Variants in OR9Q1 observed in about 807,000 individuals in gnomAD.
OR9Q1 encodes olfactory receptor family 9 subfamily Q member 1, also known as olfactory receptor 9Q1.
For missense variants in OR9Q1, 374 were observed against 378.8 expected (o/e 0.99, Z 0.11); for synonymous variants, 153 against 148.6 (o/e 1.03, Z -0.22).
chr11:58,058,448 A>G (rs971585770), intron 2 of OR9Q1, among the ~76,000 whole-genome samples: 16 of 152,164 alleles, frequency 1.1e-4, no homozygotes. Context: ...GCGCAGCGCC[A>G]ACAGGAAGTC....
chr11:58,146,751 G>A (rs1241206568), intron 2 of OR9Q1, among the ~76,000 whole-genome samples: 1 of 152,198 alleles, frequency 6.6e-6, no homozygotes, highest in Admixed American at 6.5e-5. Flanking sequence ...GTATGCCATA[G>A]TCATGGGTTG....
At chr11:58,128,117 A>C (rs1371617869) in intron 2 of OR9Q1, among the ~76,000 whole-genome samples, 1 of 152,042 alleles carries the variant, frequency 6.6e-6, no homozygotes, top group East Asian at 1.9e-4. Flanking sequence ...GAGCATCACT[A>C]GATATTATGA....
chr11:58,179,335 T>G (rs1349384940), intron 2 of OR9Q1, 96 bp from the exon 3 acceptor site: 3 of 778,626 alleles, frequency 3.9e-6, no homozygotes, highest in Non-Finnish European at 4.2e-6. Context: ...ACCTGGCATA[T>G]TTTGTCCACA....
At chr11:58,058,747 C>G (rs906852037) in intron 2 of OR9Q1, among the ~76,000 whole-genome samples, 1 of 152,184 alleles carries the variant, frequency 6.6e-6, no homozygotes, top group Non-Finnish European at 1.5e-5. Flanking sequence ...TGCAGCCACC[C>G]TCGCCCCCGA....
At chr11:58,086,810 G>C (rs1853638399) in intron 2 of OR9Q1, among the ~76,000 whole-genome samples, 1 of 151,868 alleles carries the variant, frequency 6.6e-6, no homozygotes, top group Non-Finnish European at 1.5e-5. Context: ...AAAATTCATA[G>C]AAATAGAGAG....
chr11:58,095,167 G>C (rs146409164), intron 2 of OR9Q1, among the ~76,000 whole-genome samples: 86 of 152,326 alleles, frequency 5.6e-4, no homozygotes, highest in Non-Finnish European at 9.3e-4. Context: ...ATTTTCTACA[G>C]CAGGGCTTTT....
intron 2 of OR9Q1, among the ~76,000 whole-genome samples, chr11:58,148,923 C>T (rs1854324637): frequency 6.6e-6 from 1 of 152,126 alleles, no homozygotes; most frequent in South Asian, 2.1e-4. Flanking sequence ...TCCTTTTGGT[C>T]CTGTTGGGAA....
chr11:58,070,696 C>T (rs914866693), intron 2 of OR9Q1, among the ~76,000 whole-genome samples: 1 of 152,166 alleles, frequency 6.6e-6, no homozygotes, highest in Non-Finnish European at 1.5e-5. Flanking sequence ...CATCTCTTGC[C>T]CTGTACAGGC....
chr11:58,119,109 G>T (rs1415691042), intron 2 of OR9Q1: 1 of 1,613,820 alleles, frequency 6.2e-7, no homozygotes, highest in African/African-American at 1.3e-5. Context: ...CCAGCAGAAA[G>T]CACTCTGTGC....
At chr11:58,034,838 AT>A (rs527935129) in intron 1 of OR9Q1, among the ~76,000 whole-genome samples, 721 of 36,002 alleles carry the variant, frequency 0.02, 3 homozygotes, top group African/African-American at 0.051. Context: ...TCCTTCCTTC[AT>A]TTTTTTTTTT....
intron 2 of OR9Q1, among the ~76,000 whole-genome samples, chr11:58,090,144 C>T (rs966070437): frequency 2.6e-5 from 4 of 152,154 alleles, no homozygotes; most frequent in African/African-American, 7.2e-5. Flanking sequence ...TTATTTCTTT[C>T]TCTTGTCTGA....
chr11:58,056,271 GC>G (rs1347666066), intron 2 of OR9Q1, among the ~76,000 whole-genome samples: 4 of 152,104 alleles, frequency 2.6e-5, no homozygotes. Context: ...CGCTGTCAGA[GC>G]CAGTTCTCTC....
At chr11:58,139,918 T>C (rs1854228912) in intron 2 of OR9Q1, among the ~76,000 whole-genome samples, 1 of 151,672 alleles carries the variant, frequency 6.6e-6, no homozygotes. Context: ...AAAGTGTTCC[T>C]ATTTCTCCAC....
chr11:58,157,315 T>C (rs1255357755), intron 2 of OR9Q1, among the ~76,000 whole-genome samples: 1 of 152,220 alleles, frequency 6.6e-6, no homozygotes, highest in Non-Finnish European at 1.5e-5. Context: ...TGAAGGGGTC[T>C]ATGAACCTCT....
intron 2 of OR9Q1, chr11:58,119,586 T>C (rs946469256): frequency 2.6e-5 from 15 of 587,740 alleles, no homozygotes; most frequent in Admixed American, 6.4e-5. Context: ...TAAGAAATTC[T>C]GAAACTGGCT....
chr11:58,126,891 G>A (rs1854095154), intron 2 of OR9Q1, among the ~76,000 whole-genome samples: 1 of 152,046 alleles, frequency 6.6e-6, no homozygotes, highest in Non-Finnish European at 1.5e-5. Flanking sequence ...ACACATTGGG[G>A]GATCTAGAGT....
chr11:58,042,868 T>C (rs1464044323), intron 1 of OR9Q1, among the ~76,000 whole-genome samples: 2 of 152,140 alleles, frequency 1.3e-5, no homozygotes, highest in Admixed American at 6.5e-5. Flanking sequence ...TCACATCCCT[T>C]GTAAGTTGGA....
chr11:58,092,290 C>G (rs1351007120), intron 2 of OR9Q1, among the ~76,000 whole-genome samples: 6 of 151,186 alleles, frequency 4.0e-5, no homozygotes. Flanking sequence ...TTTTCCTTTC[C>G]ACATTTAGTG....
intron 2 of OR9Q1, among the ~76,000 whole-genome samples, chr11:58,092,008 T>C (rs900062440): frequency 6.6e-6 from 1 of 151,938 alleles, no homozygotes; most frequent in Non-Finnish European, 1.5e-5. Flanking sequence ...TAAATATTCC[T>C]CCATCCCTTT....
Sources: gnomAD v4.1 joint callset for allele counts (sites outside exome capture counted in the v4.1 genomes callset) on GRCh38, gnomAD v4.1.1 for gene constraint, MANE v1.5 for transcripts, NCBI Gene and HGNC (gene_info 2026-07-23, HGNC 2026-07-21) for gene names.